The following IQSEC3 variants were observed in gnomAD, a reference collection of about 807,000 sequenced individuals.
IQSEC3 encodes the protein IQ motif and Sec7 domain ArfGEF 3.
Under a neutral mutation model 105.4 loss-of-function variants are expected in IQSEC3, and 50 were observed. That is an observed-to-expected ratio of 0.47 (90% confidence interval 0.38 to 0.60). The LOEUF (loss-of-function observed/expected upper bound fraction) is 0.60, where lower values mean the gene tolerates loss of function less well. IQSEC3 is among the 20% of genes least tolerant of loss of function. The probability of loss-of-function intolerance (pLI) is 0.00; values close to 1 mark genes in which losing one functional copy is unlikely to be tolerated. For missense variants in IQSEC3, 1,415 were observed against 1,630.0 expected, an observed-to-expected ratio of 0.87 and a Z score of 2.27; for synonymous variants, 708 against 746.0, an observed-to-expected ratio of 0.95 and a Z score of 0.83.
intron 1 of IQSEC3, among the ~76,000 whole-genome samples, chr12:86,740 AT>A (rs1272804034): frequency 6.6e-6 from 1 of 152,120 alleles, no homozygotes; most frequent in Admixed American, 6.5e-5. Flanking sequence ...CAACACAGGT[AT>A]CTTGTTTGAC....
intron 1 of IQSEC3, among the ~76,000 whole-genome samples, chr12:76,982 T>A (rs1486603525): frequency 5.6e-4 from 86 of 152,370 alleles, no homozygotes; most frequent in Non-Finnish European, 2.1e-4. Context: ...TCTTCCTTGA[T>A]GAATGATTCC....
chr12:146,551 C>T lies in IQSEC3; in HGVS notation c.2153+5266C>T, dbSNP rs142414447. Among the ~76,000 whole-genome samples the T allele has an allele frequency of 2.4e-3, 358 of 152,264 alleles. 3 individuals are homozygous for T. Among genetic ancestry groups the T allele is most frequent in the South Asian group, 8.3e-3 (40 of 4,810 alleles). The stretch of plus-strand genomic sequence containing the variant: ...GTCCCAGCTACTCGGGAGGCCAAGG[C>T]AGGGGAATCACTTGAGCCCAGGAGA... On this transcript the variant is annotated intron_variant, in intron 5 of 13. Transcript: ENST00000538872.
chr12:96,633 C>A (rs1246728068), intron 1 of IQSEC3, among the ~76,000 whole-genome samples: 2 of 152,212 alleles, frequency 1.3e-5, no homozygotes, highest in African/African-American at 4.8e-5. Flanking sequence ...GAATTTGCTA[C>A]AAATTTGTCT....
Position 125,759 on chromosome 12 carries a change from G to A in IQSEC3, c.750G>A (p.Glu250=), listed in dbSNP as rs782127613. 4.6e-6 allele frequency: 7 copies of A among 1,512,702 alleles called. No individual in the cohort carries two copies. In the Admixed American group the frequency reaches 1.1e-4, roughly 23 times the overall value. 93.7% of individuals were successfully genotyped at this position (1,512,702 alleles called of 1,614,324 possible). The change falls in exon 3 of 14, where the codon GAG becomes GAA. Residue 250 remains glutamate (E), a synonymous_variant. Transcript: ENST00000538872. Reference sequence around the variant, plus strand: ...AAGCCCAGGAGCTGCAGGAGGAGGAGGAGCGGCCGGGGGCAGGGGCTGCCT... The same window carrying A: ...AAGCCCAGGAGCTGCAGGAGGAGGAAGAGCGGCCGGGGGCAGGGGCTGCCT... ...KAQAQELQEE[E]ERPGAGAASP...
At chr12:84,675 G>A (rs1037209744) in intron 1 of IQSEC3, among the ~76,000 whole-genome samples, 1 of 152,230 alleles carries the variant, frequency 6.6e-6, no homozygotes, top group Admixed American at 6.5e-5. Context: ...CCAGGCAGGT[G>A]TGTATGAGTA....
At chr12:157,873 A>G (rs150776428) in intron 7 of IQSEC3, among the ~76,000 whole-genome samples, 179 bp downstream of exon 7, 2 of 152,354 alleles carry the variant, frequency 1.3e-5, no homozygotes, top group African/African-American at 4.8e-5. Context: ...AGTTTCCGGC[A>G]TGCAGCCTGC....
At chr12:117,629 G>A (rs1289285733) in intron 2 of IQSEC3, among the ~76,000 whole-genome samples, 1 of 152,226 alleles carries the variant, frequency 6.6e-6, no homozygotes, top group African/African-American at 2.4e-5. Flanking sequence ...GCTGAGCCCA[G>A]AGAAGTGGCT....
At chr12:167,576 GAA>G (rs59241356) in intron 11 of IQSEC3, 9 of 138,328 alleles carry the variant, frequency 6.5e-5, no homozygotes, top group Non-Finnish European at 7.8e-5. Flanking sequence ...AGGAAGCCAG[GAA>G]AAAAAAAAAA....
At chr12:128,637 C>T (rs558920606) in intron 3 of IQSEC3, among the ~76,000 whole-genome samples, 51 of 152,230 alleles carry the variant, frequency 3.4e-4, no homozygotes, top group African/African-American at 1.2e-3. Context: ...TGCTCTAGCC[C>T]CAAGCCCCAC....
intron 5 of IQSEC3, among the ~76,000 whole-genome samples, chr12:149,854 T>C (rs1866435556): frequency 6.6e-6 from 1 of 151,978 alleles, no homozygotes; most frequent in Non-Finnish European, 1.5e-5. Flanking sequence ...GGGGGGACCA[T>C]GCTGGGGAAG....
At chr12:109,399 C>CG (rs376742923) in intron 2 of IQSEC3, among the ~76,000 whole-genome samples, 103 of 152,284 alleles carry the variant, frequency 6.8e-4, no homozygotes, top group African/African-American at 2.4e-3. Context: ...TGTAGCCCCC[C>CG]GGCCTCTCTG....
chr12:167,341 C>CT (rs1702985250), intron 11 of IQSEC3: 1 of 152,322 alleles, frequency 6.6e-6, no homozygotes, highest in African/African-American at 2.4e-5. Flanking sequence ...GGGAGAGGCA[C>CT]TTTCCCCCAT....
At chr12:97,465 T>C (rs1298361191) in intron 1 of IQSEC3, among the ~76,000 whole-genome samples, 1 of 152,252 alleles carries the variant, frequency 6.6e-6, no homozygotes, top group Non-Finnish European at 1.5e-5. Context: ...GATTTTTTCC[T>C]TTTAATTTCT....
chr12:113,093 TG>T (rs1254802843), intron 2 of IQSEC3, among the ~76,000 whole-genome samples: 1 of 152,022 alleles, frequency 6.6e-6, no homozygotes, highest in Non-Finnish European at 1.5e-5. Flanking sequence ...GGGAACAGCC[TG>T]GCCCCCACTT....
intron 13 of IQSEC3, among the ~76,000 whole-genome samples, chr12:173,782 TCTC>T (rs1939130191): frequency 2.0e-5 from 3 of 152,096 alleles, no homozygotes; most frequent in Admixed American, 1.3e-4. Flanking sequence ...CTTCCACCCA[TCTC>T]CTCCACCTCC....
At chr12:127,203 T>C (rs1489512239) in intron 3 of IQSEC3, among the ~76,000 whole-genome samples, 2 of 152,198 alleles carry the variant, frequency 1.3e-5, no homozygotes, top group Non-Finnish European at 2.9e-5. Flanking sequence ...GATACCTTGG[T>C]GATAGCATCC....
chr12:120,642 T>C (rs1865188378), intron 2 of IQSEC3, among the ~76,000 whole-genome samples: 1 of 152,190 alleles, frequency 6.6e-6, no homozygotes, highest in Non-Finnish European at 1.5e-5. Flanking sequence ...TGTGATGTTG[T>C]TCTGTTCCAA....
intron 3 of IQSEC3, among the ~76,000 whole-genome samples, chr12:135,488 C>T (rs1865733413): frequency 1.3e-5 from 2 of 152,174 alleles, no homozygotes; most frequent in Admixed American, 1.3e-4. Flanking sequence ...CTCAGATGGC[C>T]CCCAAGTCCC....
In IQSEC3 at chr12:109,359, A is replaced by G. The variant is rs546871551; in HGVS notation, c.623+10145A>G. 3.9e-5 allele frequency among the ~76,000 whole-genome samples: 6 copies of G among 152,050 alleles called. No homozygotes were observed. The East Asian group carries it at 1.2e-3, about 30-fold the overall frequency. On this transcript the variant is annotated intron_variant, in intron 2 of 13. Transcript: ENST00000538872. ...CATTTGCTGGCCGTGTTGTCCTTTGAGTTTATAACCCTAGTTCGGATCTTC... is the reference window on the plus strand; with the variant it reads ...CATTTGCTGGCCGTGTTGTCCTTTGGGTTTATAACCCTAGTTCGGATCTTC...
Sources: allele counts gnomAD v4.1 joint callset (sites outside exome capture counted in the v4.1 genomes callset), GRCh38; gene constraint gnomAD v4.1.1; transcripts MANE v1.5; gene names NCBI Gene and HGNC (gene_info 2026-07-23, HGNC 2026-07-21).